The following TUT4 variants were observed in gnomAD, a reference collection of about 807,000 sequenced individuals.
TUT4 encodes terminal uridylyltransferase 4.
In TUT4, 36 loss-of-function variants were observed where a neutral mutation model predicts 192.2. The observed-to-expected ratio is 0.19, with a 90% CI of 0.14 to 0.25. TUT4 has a LOEUF of 0.25. TUT4 is among the 10% of genes least tolerant of loss of function. TUT4 has a pLI of 1.00. For synonymous variants in TUT4, 618 were observed against 666.0 expected, an observed-to-expected ratio of 0.93 and a Z score of 1.11; for missense variants, 1,493 against 1,957.2, an observed-to-expected ratio of 0.76 and a Z score of 4.47.
intron 9 of TUT4, among the ~76,000 whole-genome samples, chr1:52,486,650 C>A (rs1669859370): frequency 6.6e-6 from 1 of 152,106 alleles, no homozygotes; most frequent in Admixed American, 6.5e-5. Flanking sequence ...AAAAAACTTT[C>A]TTTGCAACTA....
At chr1:52,471,528 C>G (rs181884903) in intron 14 of TUT4, among the ~76,000 whole-genome samples, 2 of 152,284 alleles carry the variant, frequency 1.3e-5, no homozygotes, top group African/African-American at 4.8e-5. Context: ...ATAGTGTTAT[C>G]CAAGAACGCT....
In TUT4 at chr1:52,495,521, AT is replaced by A; in HGVS notation, c.1178-7del. ...ATACAACCTAAGTGAACATTCTGGA[AT>A]AAAGGAAAAACATCAAAGCATGAAA... On this transcript the variant is annotated splice_region_variant and splice_polypyrimidine_tract_variant and intron_variant, in intron 5 of 29. Transcript: ENST00000257177. 1.9e-6 allele frequency: 3 copies of A among 1,597,418 alleles called. No homozygotes were observed. Among genetic ancestry groups the A allele is most frequent in the Non-Finnish European group, 2.6e-6 (3 of 1,171,856 alleles).
chr1:52,469,667 G>A (rs1302560600), intron 14 of TUT4, among the ~76,000 whole-genome samples: 2 of 152,004 alleles, frequency 1.3e-5, no homozygotes, highest in Non-Finnish European at 2.9e-5. Context: ...GAGGAGGGTG[G>A]ATCACAAGGT....
chr1:52,549,735 T>C (rs1049987669), intron 1 of TUT4, among the ~76,000 whole-genome samples: 2 of 152,152 alleles, frequency 1.3e-5, no homozygotes, highest in African/African-American at 4.8e-5. Context: ...ATCACTAACC[T>C]CTGTGACTCA....
At position 52,548,614 on chromosome 1, in the gene TUT4, G is replaced by T. The variant is rs568242186; in HGVS notation, c.-94+4317C>A. On this transcript the variant is annotated intron_variant, in intron 1 of 29. Coordinates refer to ENST00000257177, the MANE Select transcript of TUT4 (RefSeq NM_001009881.3). ...CTATAAATGAGAATAATATAAAAAG[G>T]GTTGTTTTGAAGACTAAGTTAACAC... Among the ~76,000 whole-genome samples the T allele has an allele frequency of 2.0e-5, 3 of 152,088 alleles. No individual in the cohort carries two copies. The South Asian group carries it at 6.2e-4, about 31-fold the overall frequency.
At chr1:52,471,799 A>G (rs769499403) in intron 14 of TUT4, among the ~76,000 whole-genome samples, 153 bp downstream of exon 14, 1 of 152,218 alleles carries the variant, frequency 6.6e-6, no homozygotes, top group Non-Finnish European at 1.5e-5. Context: ...TGCCCTGCAC[A>G]TAATAGTCAT....
intron 9 of TUT4, among the ~76,000 whole-genome samples, chr1:52,483,201 T>C (rs1051502037): frequency 6.6e-6 from 1 of 152,208 alleles, no homozygotes; most frequent in African/African-American, 2.4e-5. Context: ...TTATGAAATT[T>C]GTGTATGTTT....
Position 52,480,753 on chromosome 1 carries a change from C to T in TUT4, c.1848+670G>A, listed in dbSNP as rs375479002. 8.5e-5 allele frequency among the ~76,000 whole-genome samples: 13 copies of T among 152,174 alleles called. No homozygotes were observed. The East Asian group carries it at 2.3e-3, about 27-fold the overall frequency. ...CTTTAGATAAGAACATGGCAAGTTC[C>T]CAGTGAAGTAATAAGCAAGCATTGG... On this transcript the variant is annotated intron_variant, in intron 11 of 29. Transcript: ENST00000257177.
chr1:52,431,574 T>C (rs979640860), intron 27 of TUT4, 114 bp from the exon 28 acceptor site: 28 of 817,684 alleles, frequency 3.4e-5, no homozygotes, highest in Admixed American at 7.1e-5. Flanking sequence ...ATGATGTATA[T>C]CATAACAAAT....
At position 52,458,411 on chromosome 1, in the gene TUT4, A is replaced by G; in HGVS notation, c.3360T>C (p.Ser1120=). ...DIGDASRGSL[S]SYAYILMVLY... ...GCACCATAAGGATATATGCATATGA[A>G]GATAAACTTCCCCTGGAAGCATCCC... is the stretch of plus-strand genomic sequence containing the variant. Residue 1120 remains serine (S), a synonymous_variant, in exon 20 of 30, where the codon TCT becomes TCC. Transcript: ENST00000257177. 1 of 1,613,764 alleles carries G rather than the reference A, an allele frequency of 6.2e-7. No individual in the cohort carries two copies. The highest frequency in any genetic ancestry group is 8.5e-7 in the Non-Finnish European group (1 of 1,179,862).
At chr1:52,446,786 G>T in intron 20 of TUT4, 119 bp from the exon 21 acceptor site, 1 of 653,856 alleles carries the variant, frequency 1.5e-6, no homozygotes, top group Admixed American at 3.5e-5. Flanking sequence ...CTTCCAAAAA[G>T]AACATGTCAG....
chr1:52,547,525 T>C (rs1688385866), intron 1 of TUT4, among the ~76,000 whole-genome samples: 1 of 152,088 alleles, frequency 6.6e-6, no homozygotes. Context: ...ACAATCTGGG[T>C]ATATACCCAA....
At chr1:52,494,088 C>G (rs1671863781) in intron 6 of TUT4, among the ~76,000 whole-genome samples, 1 of 151,930 alleles carries the variant, frequency 6.6e-6, no homozygotes, top group Non-Finnish European at 1.5e-5. Flanking sequence ...TAAGCATGAG[C>G]CACCTTACCT....
chr1:52,531,578 A>T (rs556023454), intron 1 of TUT4, among the ~76,000 whole-genome samples: 9 of 152,214 alleles, frequency 5.9e-5, no homozygotes, highest in Non-Finnish European at 7.3e-5. Context: ...TAGGCACCCA[A>T]TAAATGGGTT....
intron 2 of TUT4, among the ~76,000 whole-genome samples, chr1:52,516,358 A>G (rs1356897384): frequency 6.6e-6 from 1 of 152,192 alleles, no homozygotes; most frequent in Non-Finnish European, 1.5e-5. Flanking sequence ...ATATAACATA[A>G]TCATCTTGGA....
At chr1:52,444,338 A>C (rs1321084894) in intron 24 of TUT4, among the ~76,000 whole-genome samples, 1 of 152,034 alleles carries the variant, frequency 6.6e-6, no homozygotes, top group African/African-American at 2.4e-5. Context: ...TCTCCATTTT[A>C]ATTATTATTA....
intron 4 of TUT4, among the ~76,000 whole-genome samples, chr1:52,502,505 T>C (rs149604939): frequency 3.8e-3 from 575 of 152,200 alleles, no homozygotes; most frequent in Non-Finnish European, 6.7e-3. Flanking sequence ...TCACCTGTGC[T>C]CTGAATTCCA....
intron 1 of TUT4, among the ~76,000 whole-genome samples, chr1:52,542,546 T>C (rs184197193): frequency 2.8e-4 from 42 of 152,246 alleles, no homozygotes; most frequent in Middle Eastern, 3.4e-3. Context: ...ATCATCTCAA[T>C]TGATGCAGAC....
rs148319938 is a variant in TUT4 at position 52,542,956 on chromosome 1, T to C, written c.-94+9975A>G. 8.7e-3 allele frequency among the ~76,000 whole-genome samples: 1,323 copies of C among 152,216 alleles called. 23 individuals are homozygous for C. The highest frequency in any genetic ancestry group is 0.03 in the African/African-American group (1,254 of 41,532). On this transcript the variant is annotated intron_variant, in intron 1 of 29. Transcript: ENST00000257177. The stretch of plus-strand genomic sequence containing the variant: ...TTTTAGTAGAGACAGCGTTTCTCCA[T>C]GTTCGTCAGGCTGGTCTCGAACTCC...
Sources: gnomAD v4.1 joint callset for allele counts (sites outside exome capture counted in the v4.1 genomes callset) on GRCh38, gnomAD v4.1.1 for gene constraint, MANE v1.5 for transcripts, NCBI Gene and HGNC (gene_info 2026-07-23, HGNC 2026-07-21) for gene names.